NXPH1: variants seen among roughly 807,000 people sequenced by gnomAD.
The protein encoded by NXPH1 is neurexophilin 1.
In NXPH1, 5 loss-of-function variants were observed where a neutral mutation model predicts 23.7. That is an observed-to-expected ratio of 0.21 (90% CI 0.11 to 0.44). NXPH1 has a LOEUF of 0.44. NXPH1 is among the 20% of genes least tolerant of loss of function. NXPH1 has a pLI of 0.99. For missense variants in NXPH1, 324 were observed against 321.6 expected, an observed-to-expected ratio of 1.01 and a Z score of -0.06; for synonymous variants, 144 against 122.2, an observed-to-expected ratio of 1.18 and a Z score of -1.18.
intron 2 of NXPH1, among the ~76,000 whole-genome samples, chr7:8,676,339 T>C (rs1820952897): frequency 6.6e-6 from 1 of 152,320 alleles, no homozygotes; most frequent in South Asian, 2.1e-4. Context: ...TGTACTTTAG[T>C]TGGCTTGTGT....
At chr7:8,702,664 T>C (rs1033477671) in intron 2 of NXPH1, among the ~76,000 whole-genome samples, 3 of 152,136 alleles carry the variant, frequency 2.0e-5, no homozygotes, top group Non-Finnish European at 4.4e-5. Flanking sequence ...AACTTATAAT[T>C]ATATAGTTCT....
At chr7:8,577,703 G>A (rs1030832646) in intron 2 of NXPH1, among the ~76,000 whole-genome samples, 2 of 152,144 alleles carry the variant, frequency 1.3e-5, no homozygotes, top group African/African-American at 2.4e-5. Flanking sequence ...CCCTTGTGTA[G>A]TCTCCTTCCA....
intron 2 of NXPH1, among the ~76,000 whole-genome samples, chr7:8,636,741 T>G (rs1311868425): frequency 1.3e-5 from 2 of 152,206 alleles, no homozygotes; most frequent in Non-Finnish European, 2.9e-5. Flanking sequence ...TGGCTTAATC[T>G]TCAACATCAG....
At chr7:8,472,610 G>C (rs4720781) in intron 2 of NXPH1, among the ~76,000 whole-genome samples, 2 of 152,076 alleles carry the variant, frequency 1.3e-5, no homozygotes, top group African/African-American at 2.4e-5. Context: ...CCAATTTCCT[G>C]GTAGGGAAGA....
chr7:8,515,280 A>C (rs761954533), intron 2 of NXPH1, among the ~76,000 whole-genome samples: 11 of 152,210 alleles, frequency 7.2e-5, no homozygotes, highest in South Asian at 2.1e-4. Context: ...GTTCTGCAGC[A>C]TGTCCACCAG....
intron 2 of NXPH1, among the ~76,000 whole-genome samples, chr7:8,659,336 T>G (rs1268114267): frequency 6.6e-6 from 1 of 152,216 alleles, no homozygotes; most frequent in Non-Finnish European, 1.5e-5. Context: ...ATTAAGGGTA[T>G]CAGAAGACGT....
chr7:8,731,338 G>T (rs562889036), intron 2 of NXPH1, among the ~76,000 whole-genome samples: 1 of 152,150 alleles, frequency 6.6e-6, no homozygotes. Context: ...TCTTCTCTCA[G>T]CTCATCAAAG....
chr7:8,745,593 G>T (rs750534376), intron 2 of NXPH1, among the ~76,000 whole-genome samples: 9 of 151,850 alleles, frequency 5.9e-5, no homozygotes, highest in South Asian at 2.1e-4. Flanking sequence ...TTGCTCTGTC[G>T]CCAGGCTGGA....
chr7:8,557,836 C>G (rs115530348), intron 2 of NXPH1, among the ~76,000 whole-genome samples: 156 of 151,752 alleles, frequency 1.0e-3, no homozygotes, highest in African/African-American at 3.0e-3. Context: ...CCTCCTTGTG[C>G]TAAAACATTC....
chr7:8,686,452 T>C (rs1227138705), intron 2 of NXPH1, among the ~76,000 whole-genome samples: 1 of 152,176 alleles, frequency 6.6e-6, no homozygotes, highest in Non-Finnish European at 1.5e-5. Context: ...TCAGGTGTAT[T>C]TATTACACTT....
Position 8,443,188 on chromosome 7 carries a change from A to G in NXPH1, c.54+7421A>G, listed in dbSNP as rs377214178. Among the ~76,000 whole-genome samples, 12 of 152,342 alleles carry G rather than the reference A, an allele frequency of 7.9e-5. No homozygotes were observed. In the East Asian group the frequency reaches 2.1e-3, roughly 27 times the overall value. On this transcript the variant is annotated intron_variant, in intron 2 of 2. Transcript: ENST00000405863. ...TAGCTCCCGTCTCTAGGTCCCCAGC[A>G]TGACCTGCGGTCAGAAACTCTTGCT...
intron 2 of NXPH1, among the ~76,000 whole-genome samples, chr7:8,618,915 C>G (rs887575454): frequency 6.6e-6 from 1 of 152,030 alleles, no homozygotes; most frequent in African/African-American, 2.4e-5. Flanking sequence ...GTTTTTTTCT[C>G]TTTTGCTGCT....
At chr7:8,568,988 G>T (rs879579928) in intron 2 of NXPH1, among the ~76,000 whole-genome samples, 1 of 151,824 alleles carries the variant, frequency 6.6e-6, no homozygotes, top group Non-Finnish European at 1.5e-5. Context: ...AATTTTAAAA[G>T]CCTTTAAAAT....
intron 2 of NXPH1, among the ~76,000 whole-genome samples, chr7:8,507,705 A>G (rs1817552969): frequency 6.6e-6 from 1 of 152,098 alleles, no homozygotes; most frequent in African/African-American, 2.4e-5. Context: ...TTAGAAAGAT[A>G]ACAGCAGGCT....
intron 2 of NXPH1, among the ~76,000 whole-genome samples, chr7:8,556,218 AGAGT>A (rs1818357162): frequency 2.0e-5 from 3 of 151,688 alleles, no homozygotes; most frequent in African/African-American, 7.3e-5. Context: ...GTGATTACAT[AGAGT>A]GTGTGTTCTG....
intron 2 of NXPH1, among the ~76,000 whole-genome samples, chr7:8,462,279 C>T (rs985366213): frequency 6.6e-6 from 1 of 152,198 alleles, no homozygotes; most frequent in Non-Finnish European, 1.5e-5. Flanking sequence ...GATCTCTTGA[C>T]CTCATGATCC....
chr7:8,663,556 T>C (rs1820712599), intron 2 of NXPH1, among the ~76,000 whole-genome samples: 1 of 152,156 alleles, frequency 6.6e-6, no homozygotes. Flanking sequence ...CAGATAATAC[T>C]GTTTTAAGGC....
intron 2 of NXPH1, among the ~76,000 whole-genome samples, chr7:8,602,806 G>T (rs1367609609): frequency 1.3e-5 from 2 of 152,056 alleles, no homozygotes; most frequent in Non-Finnish European, 2.9e-5. Flanking sequence ...GGAGAGAATA[G>T]TACAAACTCA....
intron 2 of NXPH1, among the ~76,000 whole-genome samples, chr7:8,493,195 C>T (rs1817280595): frequency 6.6e-6 from 1 of 151,944 alleles, no homozygotes; most frequent in Middle Eastern, 3.4e-3. Flanking sequence ...GATTTTCTGC[C>T]CCCCAAATAA....
Sources: gnomAD v4.1 joint callset for allele counts (sites outside exome capture counted in the v4.1 genomes callset) on GRCh38, gnomAD v4.1.1 for gene constraint, MANE v1.5 for transcripts, NCBI Gene and HGNC (gene_info 2026-07-23, HGNC 2026-07-21) for gene names.